LRRC4C: variants seen among roughly 807,000 people sequenced by gnomAD.
LRRC4C encodes the protein leucine rich repeat containing 4C.
Under a neutral mutation model 33.6 loss-of-function variants are expected in LRRC4C, and 5 were observed. The ratio of observed to expected loss-of-function variants is 0.15; its 90% CI spans 0.08 to 0.31. The LOEUF is 0.31. LRRC4C is among the 10% of genes least tolerant of loss of function. The pLI, the probability that LRRC4C is intolerant of heterozygous loss-of-function variation, is 1.00. For synonymous variants in LRRC4C, 329 were observed against 302.0 expected, an observed-to-expected ratio of 1.09 and a Z score of -0.93; for missense variants, 560 against 796.7, an observed-to-expected ratio of 0.70 and a Z score of 3.58.
chr11:40,538,753 TC>T (rs1482083010), intron 3 of LRRC4C, among the ~76,000 whole-genome samples: 2 of 152,174 alleles, frequency 1.3e-5, no homozygotes, highest in East Asian at 3.9e-4. Flanking sequence ...AGTTTACTGT[TC>T]TACCAATAGT....
chr11:41,267,517 G>A (rs1210688680), intron 1 of LRRC4C, among the ~76,000 whole-genome samples: 2 of 152,074 alleles, frequency 1.3e-5, no homozygotes, highest in Non-Finnish European at 1.5e-5. Context: ...TGGCTAGCAC[G>A]ATGCGTGGTA....
intron 2 of LRRC4C, among the ~76,000 whole-genome samples, chr11:40,930,925 C>A (rs1471270333): frequency 6.6e-6 from 1 of 152,160 alleles, no homozygotes; most frequent in Non-Finnish European, 1.5e-5. Context: ...AATTATTTGG[C>A]CCTCAAGCCA....
At chr11:41,324,506 A>T (rs1367822967) in intron 1 of LRRC4C, among the ~76,000 whole-genome samples, 1 of 152,224 alleles carries the variant, frequency 6.6e-6, no homozygotes, top group African/African-American at 2.4e-5. Context: ...TTTTAGAAAC[A>T]TGGGTATTAT....
intron 2 of LRRC4C, among the ~76,000 whole-genome samples, chr11:40,694,598 T>G (rs566565317): frequency 6.6e-6 from 1 of 152,244 alleles, no homozygotes; most frequent in South Asian, 2.1e-4. Context: ...TTTCTTTTTA[T>G]TGACTCCCAT....
At chr11:41,169,521 G>A (rs1390399904) in intron 1 of LRRC4C, among the ~76,000 whole-genome samples, 1 of 151,818 alleles carries the variant, frequency 6.6e-6, no homozygotes, top group Non-Finnish European at 1.5e-5. Flanking sequence ...AAGTACCAGG[G>A]GATTATATCA....
rs575268341 is a variant in LRRC4C, at chr11:40,817,188, C to G, written c.-407+116447G>C. On this transcript the variant is annotated intron_variant, in intron 2 of 6. Coordinates refer to ENST00000528697, the MANE Select transcript of LRRC4C (RefSeq NM_001258419.2). Reference sequence around the variant, plus strand: ...CAGTGTGTCTGAACTTGGCAGCAAACTGACATAATATTTATCTAACTGAAA... The same window carrying G: ...CAGTGTGTCTGAACTTGGCAGCAAAGTGACATAATATTTATCTAACTGAAA... Among the ~76,000 whole-genome samples the G allele has an allele frequency of 5.9e-5, 9 of 152,208 alleles. No individual in the cohort carries two copies. The East Asian group carries it at 1.7e-3, about 29-fold the overall frequency.
chr11:40,942,621 T>C (rs1318208696), intron 1 of LRRC4C, among the ~76,000 whole-genome samples: 3 of 152,022 alleles, frequency 2.0e-5, no homozygotes, highest in Admixed American at 1.3e-4. Flanking sequence ...GGGATTCAGA[T>C]TGGGAAGAGC....
intron 1 of LRRC4C, among the ~76,000 whole-genome samples, chr11:41,297,326 A>G (rs566365532): frequency 6.6e-6 from 1 of 152,230 alleles, no homozygotes; most frequent in Non-Finnish European, 1.5e-5. Context: ...TATTCATCAG[A>G]GAAATTGGTC....
At chr11:40,691,629 A>T (rs1945225855) in intron 2 of LRRC4C, among the ~76,000 whole-genome samples, 2 of 152,126 alleles carry the variant, frequency 1.3e-5, no homozygotes, top group African/African-American at 4.8e-5. Flanking sequence ...GCTTAGAGGA[A>T]AGCCTTTGAA....
chr11:40,935,432 A>G (rs929955694), intron 1 of LRRC4C, among the ~76,000 whole-genome samples: 28 of 152,144 alleles, frequency 1.8e-4, no homozygotes, highest in Non-Finnish European at 1.3e-4. Flanking sequence ...TCAGTCAACA[A>G]CAGACCACTT....
chr11:40,867,459 TTAAAG>T (rs1325481404), intron 2 of LRRC4C, among the ~76,000 whole-genome samples: 2 of 152,032 alleles, frequency 1.3e-5, no homozygotes, highest in East Asian at 1.9e-4. Flanking sequence ...TTGGTGACTC[TTAAAG>T]TAATTAGTAT....
intron 3 of LRRC4C, among the ~76,000 whole-genome samples, chr11:40,337,502 C>G (rs2136984802): frequency 6.6e-6 from 1 of 152,244 alleles, no homozygotes; most frequent in Admixed American, 6.5e-5. Context: ...GAACCTTTGT[C>G]CATTTATCAC....
intron 1 of LRRC4C, among the ~76,000 whole-genome samples, chr11:41,094,298 G>T (rs1398261008): frequency 1.3e-5 from 2 of 151,908 alleles, no homozygotes; most frequent in Admixed American, 1.3e-4. Flanking sequence ...GGCCAAGACG[G>T]GCGGATCACG....
Position 40,578,127 on chromosome 11 carries a change from A to C in LRRC4C, c.-270+70015T>G, listed in dbSNP as rs1591161345. Reference sequence around the variant, plus strand: ...GGGATTACAGGCGTGATATTATTGGACTTTTTTTTTTCGGTTTTTTTTTTT... The same window carrying C: ...GGGATTACAGGCGTGATATTATTGGCCTTTTTTTTTTCGGTTTTTTTTTTT... On this transcript the variant is annotated intron_variant, in intron 3 of 6. Transcript: ENST00000528697. Among the ~76,000 whole-genome samples the C allele has an allele frequency of 6.3e-5, 2 of 31,770 alleles. 1 individual carries two copies. The highest frequency in any genetic ancestry group is 1.2e-4 in the Non-Finnish European group (2 of 16,246). 20.8% of individuals were successfully genotyped at this position (31,770 alleles called of 152,430 possible).
At chr11:41,183,632 G>A (rs925347043) in intron 1 of LRRC4C, among the ~76,000 whole-genome samples, 1 of 152,160 alleles carries the variant, frequency 6.6e-6, no homozygotes, top group African/African-American at 2.4e-5. Flanking sequence ...AGCTGGTGTT[G>A]TGTCTGCAGC....
At chr11:40,217,883 G>GA (rs1864089284) in intron 5 of LRRC4C, among the ~76,000 whole-genome samples, 1 of 152,030 alleles carries the variant, frequency 6.6e-6, no homozygotes, top group Non-Finnish European at 1.5e-5. Context: ...AAGTTTAATT[G>GA]AAAAAACTAC....
intron 4 of LRRC4C, among the ~76,000 whole-genome samples, chr11:40,311,389 T>C (rs1945297089): frequency 6.6e-6 from 1 of 152,188 alleles, no homozygotes; most frequent in South Asian, 2.1e-4. Context: ...TTTTGTGGCA[T>C]AATGTACATG....
chr11:41,265,858 CCA>C (rs1464232686), intron 1 of LRRC4C, among the ~76,000 whole-genome samples: 3 of 114,828 alleles, frequency 2.6e-5, no homozygotes, highest in African/African-American at 1.0e-4. Flanking sequence ...GATGTAATGC[CCA>C]TGGGTCTTTT....
chr11:41,126,258 A>T (rs890541313), intron 1 of LRRC4C, among the ~76,000 whole-genome samples: 23 of 151,710 alleles, frequency 1.5e-4, no homozygotes, highest in Non-Finnish European at 4.4e-5. Context: ...TTTTTTTAAT[A>T]AAAAAAATAG....
Sources: allele counts gnomAD v4.1 joint callset (sites outside exome capture counted in the v4.1 genomes callset), GRCh38; gene constraint gnomAD v4.1.1; transcripts MANE v1.5; gene names NCBI Gene and HGNC (gene_info 2026-07-23, HGNC 2026-07-21).